Variants in VCAN observed in about 807,000 individuals in gnomAD.
The protein encoded by VCAN is versican.
VCAN carries 44 observed loss-of-function variants against 245.5 expected under a neutral mutation model. The observed-to-expected ratio is 0.18, with a 90% CI of 0.14 to 0.23. The LOEUF (loss-of-function observed/expected upper bound fraction) is 0.23. Among genes scored for constraint, VCAN ranks in the 10% least tolerant of loss-of-function variants. The probability of loss-of-function intolerance (pLI) is 1.00; values close to 1 mark genes in which losing one functional copy is unlikely to be tolerated. For synonymous variants in VCAN, 1,413 were observed against 1,437.0 expected (o/e 0.98, Z 0.38); for missense variants, 3,793 against 4,057.9 (o/e 0.93, Z 1.77).
intron 3 of VCAN, among the ~76,000 whole-genome samples, chr5:83,490,715 C>T (rs566632658): frequency 1.1e-4 from 16 of 152,132 alleles, no homozygotes; most frequent in South Asian, 1.0e-3. Context: ...CTGAAAATAA[C>T]GAATACCTCA....
At chr5:83,516,313 A>C (rs1745856893) in intron 6 of VCAN, among the ~76,000 whole-genome samples, 1 of 152,172 alleles carries the variant, frequency 6.6e-6, no homozygotes, top group Non-Finnish European at 1.5e-5. Flanking sequence ...ATAGAGTTTG[A>C]ATTGTAATTT....
chr5:83,535,459 AGTCTTATT>A (rs1233680198), intron 7 of VCAN, among the ~76,000 whole-genome samples: 1 of 152,152 alleles, frequency 6.6e-6, no homozygotes, highest in Non-Finnish European at 1.5e-5. Context: ...ATTACATAAA[AGTCTTATT>A]GTCTGGGTTT....
At chr5:83,548,549 C>T (rs1027533783) in intron 10 of VCAN, among the ~76,000 whole-genome samples, 2 of 152,142 alleles carry the variant, frequency 1.3e-5, no homozygotes, top group African/African-American at 4.8e-5. Context: ...TATTGTGAAT[C>T]TGCTCACCAG....
In VCAN at chr5:83,490,187, C is replaced by T. The variant is rs140063016; in HGVS notation, c.160C>T (p.Pro54Ser). Residue 54 changes from proline to serine, a missense_variant, in exon 3 of 15, where the codon CCC becomes TCC. Physicochemically the swap from Pro to Ser is moderately conservative, Grantham distance 74 (BLOSUM62 -1). Transcript: ENST00000265077. ...TTTTTCAACGATGCCTACTTTGCCA[C>T]CCAGTTACAACACCAGTGAATTTCT... is the stretch of plus-strand genomic sequence containing the variant. ...CHFSTMPTLP[P>S]SYNTSEFLRI... The T allele has an allele frequency of 6.0e-5, 97 of 1,614,128 alleles. No homozygotes were observed. In the Admixed American group the frequency reaches 7.5e-4, roughly 12 times the overall value.
intron 10 of VCAN, among the ~76,000 whole-genome samples, chr5:83,550,366 A>T (rs1409795261): frequency 1.3e-5 from 2 of 152,190 alleles, no homozygotes; most frequent in African/African-American, 4.8e-5. Context: ...AACCTATAGG[A>T]GTTTTAAAGC....
At chr5:83,523,165 G>A (rs1746168751) in intron 7 of VCAN, among the ~76,000 whole-genome samples, 2 of 152,120 alleles carry the variant, frequency 1.3e-5, no homozygotes, top group African/African-American at 4.8e-5. Context: ...GAGTTGTCAT[G>A]ATCAAATACG....
intron 2 of VCAN, among the ~76,000 whole-genome samples, chr5:83,484,965 A>G (rs1744745668): frequency 6.6e-6 from 1 of 152,318 alleles, no homozygotes; most frequent in South Asian, 2.1e-4. Flanking sequence ...AGCAGTGATC[A>G]AGGGGAAAGT....
At chr5:83,495,775 A>AAGATCTAATTAACCTT (rs1745137033) in intron 5 of VCAN, among the ~76,000 whole-genome samples, 1 of 152,182 alleles carries the variant, frequency 6.6e-6, no homozygotes, top group African/African-American at 2.4e-5. Context: ...TAATTAACCT[A>AAGATCTAATTAACCTT]AAAGATCTTT....
chr5:83,564,377 A>G (rs1747996755), intron 12 of VCAN, among the ~76,000 whole-genome samples: 1 of 152,176 alleles, frequency 6.6e-6, no homozygotes, highest in Non-Finnish European at 1.5e-5. Context: ...CCAGATACAC[A>G]CAAGAATAAT....
intron 2 of VCAN, among the ~76,000 whole-genome samples, chr5:83,487,396 T>C (rs899043426): frequency 1.3e-5 from 2 of 152,206 alleles, no homozygotes; most frequent in African/African-American, 4.8e-5. Context: ...CCACAAACCA[T>C]CTGGTAACAG....
In VCAN at chr5:83,471,787, A is replaced by T. The variant is rs1205238690; in HGVS notation, c.-243A>T. 2 of 398,850 alleles carry T rather than the reference A, an allele frequency of 5.0e-6. No individual in the cohort carries two copies. The highest frequency in any genetic ancestry group is 8.8e-6 in the Non-Finnish European group (2 of 226,250). 24.7% of individuals were successfully genotyped at this position (398,850 alleles called of 1,614,324 possible). A position where few individuals can be genotyped will look rare whatever the true frequency, so the allele number is the denominator to read the frequency against. On this transcript the variant is annotated 5_prime_UTR_variant, in exon 1 of 15. It adds an upstream start codon to the 5' untranslated region. Coordinates refer to ENST00000265077, the MANE Select transcript of VCAN (RefSeq NM_004385.5). Reference sequence around the variant, plus strand: ...GAGCTGCCCCGAGCCTTTCTGGGGAAGAACTCCAGGCGTGCGGACGCAACA... The same window carrying T: ...GAGCTGCCCCGAGCCTTTCTGGGGATGAACTCCAGGCGTGCGGACGCAACA...
chr5:83,510,809 G>T (rs1745628364), intron 5 of VCAN, among the ~76,000 whole-genome samples: 1 of 152,150 alleles, frequency 6.6e-6, no homozygotes, highest in Non-Finnish European at 1.5e-5. Context: ...CAAAGCAACT[G>T]TCCAGCCTTT....
At chr5:83,548,932 C>T (rs1157968362) in intron 10 of VCAN, among the ~76,000 whole-genome samples, 10 of 152,170 alleles carry the variant, frequency 6.6e-5, no homozygotes, top group African/African-American at 1.9e-4. Context: ...AATGCAAATC[C>T]AAAAGGAGCA....
At chr5:83,491,871 G>A (rs868336018) in intron 3 of VCAN, among the ~76,000 whole-genome samples, 8 of 152,166 alleles carry the variant, frequency 5.3e-5, no homozygotes, top group Admixed American at 2.6e-4. Context: ...ACTATTTGAA[G>A]CTTTGATCAA....
At chr5:83,484,808 T>C (rs1193500686) in intron 2 of VCAN, among the ~76,000 whole-genome samples, 1 of 151,956 alleles carries the variant, frequency 6.6e-6, no homozygotes, top group Non-Finnish European at 1.5e-5. Context: ...GTGGCTTGAG[T>C]TGGGGGAAGT....
At position 83,582,178 on chromosome 5, in the gene VCAN, A is replaced by G. The variant is rs1044498682; in HGVS notation, c.*1744A>G. 2 of 152,132 alleles carry G rather than the reference A, an allele frequency of 1.3e-5. No individual in the cohort carries two copies. 9.4% of individuals were successfully genotyped at this position (152,132 alleles called of 1,614,324 possible). On this transcript the variant is annotated 3_prime_UTR_variant, in exon 15 of 15. Transcript: ENST00000265077. The stretch of plus-strand genomic sequence containing the variant: ...ATGCACATAATACTTTCCTGTATTT[A>G]TATCATAACGTGTATAGTGTAAAAT...
chr5:83,539,156 C>A lies in VCAN; in HGVS notation c.6153C>A (p.Val2051=). Residue 2051 remains valine (V), a synonymous_variant, in exon 8 of 15, where the codon GTC becomes GTA. Transcript: ENST00000265077. The stretch of plus-strand genomic sequence containing the variant: ...AAGGATTGGGAGAAGTGGGTACTGT[C>A]AATGAAATTGATAGAAGATCCACCA... ...IDEGLGEVGT[V]NEIDRRSTIL... 6.2e-7 allele frequency: 1 copy of A among 1,613,852 alleles called. No individual in the cohort carries two copies. The highest frequency in any genetic ancestry group is 1.1e-5 in the South Asian group (1 of 91,074).
intron 5 of VCAN, among the ~76,000 whole-genome samples, chr5:83,497,318 A>G (rs922947869): frequency 2.6e-5 from 4 of 152,208 alleles, no homozygotes; most frequent in Non-Finnish European, 5.9e-5. Flanking sequence ...TCTTCCTGAC[A>G]TATGTGTTTC....
intron 12 of VCAN, among the ~76,000 whole-genome samples, chr5:83,565,553 G>A (rs562073719): frequency 1.3e-5 from 2 of 152,076 alleles, no homozygotes; most frequent in East Asian, 3.9e-4. Flanking sequence ...CCAGTAGAGA[G>A]GAAAAGAAAT....
Sources: gnomAD v4.1 joint callset for allele counts (sites outside exome capture counted in the v4.1 genomes callset) on GRCh38, gnomAD v4.1.1 for gene constraint, MANE v1.5 for transcripts, NCBI Gene and HGNC (gene_info 2026-07-23, HGNC 2026-07-21) for gene names.